DBH: variants seen among roughly 807,000 people sequenced by gnomAD.
DBH encodes dopamine beta-hydroxylase (dopamine beta-monooxygenase).
In DBH, 49 loss-of-function variants were observed where a neutral mutation model predicts 64.0. The observed-to-expected ratio is 0.77, with a 90% CI of 0.61 to 0.97. DBH has a LOEUF of 0.97. Ranked by LOEUF, DBH falls within the 50% of genes least tolerant of loss-of-function variation. The probability of loss-of-function intolerance (pLI) is 0.00; values close to 1 mark genes in which losing one functional copy is unlikely to be tolerated. For missense variants in DBH, 828 were observed against 826.6 expected, an observed-to-expected ratio of 1.00 and a Z score of -0.02; for synonymous variants, 343 against 347.1, an observed-to-expected ratio of 0.99 and a Z score of 0.13.
chr9:133,649,801 G>T (rs962553362), intron 6 of DBH, among the ~76,000 whole-genome samples: 1 of 152,186 alleles, frequency 6.6e-6, no homozygotes, highest in Non-Finnish European at 1.5e-5. Context: ...CCCTTGCAGG[G>T]CCTTGGGGCC....
In DBH at chr9:133,658,875, G is replaced by A. The variant is rs1832373522; in HGVS notation, c.*428G>A. On this transcript the variant is annotated 3_prime_UTR_variant, in exon 12 of 12. Transcript: ENST00000393056. ...CCCCGCTGCTCCCGGTGTGCAGCGG[G>A]TGCGGGTGCCGCTTAAACATTTCCC... The A allele has an allele frequency of 6.4e-6, 1 of 155,358 alleles. No homozygotes were observed. The highest frequency in any genetic ancestry group is 2.4e-5 in the African/African-American group (1 of 41,596). The allele number at this position is 155,358 out of a possible 1,614,324, so 9.6% of individuals were successfully genotyped here. A position where few individuals can be genotyped will look rare whatever the true frequency, so the allele number is the denominator to read the frequency against.
chr9:133,652,062 G>A (rs1188819050), intron 7 of DBH, among the ~76,000 whole-genome samples, 184 bp from the exon 8 acceptor site: 1 of 152,162 alleles, frequency 6.6e-6, no homozygotes, highest in Non-Finnish European at 1.5e-5. Context: ...CTTCTGGTTT[G>A]AATCTAATGC....
chr9:133,640,782 T>G (rs1202936199), intron 2 of DBH, among the ~76,000 whole-genome samples: 1 of 152,200 alleles, frequency 6.6e-6, no homozygotes, highest in Admixed American at 6.5e-5. Context: ...GGGGCACCTG[T>G]GCCGTGCAGG....
At chr9:133,644,586 CG>C (rs1405984129) in intron 5 of DBH, among the ~76,000 whole-genome samples, 1 of 152,246 alleles carries the variant, frequency 6.6e-6, no homozygotes, top group African/African-American at 2.4e-5. Flanking sequence ...CCCTATAATA[CG>C]GGCTGCCATC....
At chr9:133,639,742 C>A in intron 1 of DBH, 104 bp from the exon 2 acceptor site, 1 of 1,278,008 alleles carries the variant, frequency 7.8e-7, no homozygotes. Flanking sequence ...ATCCCCAGAT[C>A]AGCTGGCAAT....
Position 133,636,709 on chromosome 9 carries a change from C to G in DBH, c.338C>G (p.Ala113Gly). 1 of 1,600,858 alleles carries G rather than the reference C, an allele frequency of 6.2e-7. No individual in the cohort carries two copies. The highest frequency in any genetic ancestry group is 8.5e-7 in the Non-Finnish European group (1 of 1,179,710). The part of the protein sequence containing the change: ...LWTDGDTAYF[A>G]DAWSDQKGQI... ...ACCGATGGGGACACTGCCTATTTTG[C>G]GGTGAGTCTCTCCTCCCTGCCAGCT... The change falls in exon 1 of 12, where the codon GCG (alanine) becomes GGG (glycine). Residue 113 changes from alanine to glycine, a missense_variant and splice_region_variant. Physicochemically the swap from Ala to Gly is moderately conservative, Grantham distance 60. Transcript: ENST00000393056.
chr9:133,652,894 C>T, intron 8 of DBH, 46 bp from the exon 9 acceptor site: 2 of 1,504,366 alleles, frequency 1.3e-6, no homozygotes, highest in Non-Finnish European at 1.9e-6. Flanking sequence ...CAGCACCTGC[C>T]AACGCCAGGT....
At chr9:133,647,672 G>A (rs1832197711) in intron 5 of DBH, among the ~76,000 whole-genome samples, 174 bp from the exon 6 acceptor site, 1 of 152,240 alleles carries the variant, frequency 6.6e-6, no homozygotes, top group Non-Finnish European at 1.5e-5. Context: ...ATCCACAGGT[G>A]TGGAAACAAA....
In DBH at chr9:133,645,241, G is replaced by GT. The variant is rs3081166; in HGVS notation, c.1024+935dup. Among the ~76,000 whole-genome samples, 609 of 147,278 alleles carry GT rather than the reference G, an allele frequency of 4.1e-3. 5 individuals are homozygous for GT. The highest frequency in any genetic ancestry group is 0.021 in the Admixed American group (313 of 14,762). ...TGTGCTCAGCTAACAGTCGCCTGTG[G>GT]TTTTTTTTTTTTTTCCTGGCTGCAT... is the stretch of plus-strand genomic sequence containing the variant. On this transcript the variant is annotated intron_variant, in intron 5 of 11. Transcript: ENST00000393056.
intron 10 of DBH, 98 bp downstream of exon 10, chr9:133,656,748 A>C: frequency 1.4e-6 from 2 of 1,455,928 alleles, no homozygotes. Flanking sequence ...GTCCAGGCTA[A>C]GTTCTAGGAG....
rs73662173 is a variant in DBH at position 133,652,000 on chromosome 9, G to A, written c.1335+223G>A. On this transcript the variant is annotated intron_variant, in intron 7 of 11. Transcript: ENST00000393056. ...CACATGGCAGATGGTGGTGGGATTC[G>A]GGAGACCCAGGCGGCCCTCTGGGAA... is the stretch of plus-strand genomic sequence containing the variant. 0.044 allele frequency among the ~76,000 whole-genome samples: 6,758 copies of A among 152,204 alleles called. 303 individuals are homozygous for A. Among genetic ancestry groups the A allele is most frequent in the African/African-American group, 0.11 (4,587 of 41,496 alleles).
intron 1 of DBH, among the ~76,000 whole-genome samples, chr9:133,638,285 C>T (rs894874331): frequency 2.6e-5 from 4 of 152,218 alleles, no homozygotes; most frequent in Admixed American, 6.5e-5. Flanking sequence ...ATGAGTCTCT[C>T]GGCAAACCAG....
At chr9:133,640,020 G>T (rs754327037) in intron 2 of DBH, 28 bp downstream of exon 2, 3 of 1,613,418 alleles carry the variant, frequency 1.9e-6, no homozygotes, top group Non-Finnish European at 2.5e-6. Flanking sequence ...GTACCCAGGA[G>T]GGCGTGGGCT....
At chr9:133,642,151 A>G (rs1403242280) in intron 2 of DBH, 56 bp from the exon 3 acceptor site, 14 of 1,605,404 alleles carry the variant, frequency 8.7e-6, no homozygotes, top group Non-Finnish European at 1.2e-5. Context: ...TCCTCTCAGG[A>G]GCCCAACTCT....
intron 8 of DBH, among the ~76,000 whole-genome samples, chr9:133,652,546 C>G (rs73662174): frequency 0.026 from 3,884 of 152,206 alleles, 168 homozygotes; most frequent in African/African-American, 0.085. Context: ...GTCTGATGGG[C>G]CGACCACAAA....
At chr9:133,653,118 G>A (rs1482102778) in intron 9 of DBH, 119 bp downstream of exon 9, 2 of 810,654 alleles carry the variant, frequency 2.5e-6, no homozygotes, top group Non-Finnish European at 4.3e-6. Flanking sequence ...CCCTCAATAA[G>A]CCAGTCGTTC....
rs376786393 is a variant in DBH at position 133,642,100 on chromosome 9, G to A, written c.487-107G>A. On this transcript the variant is annotated intron_variant, in intron 2 of 11. Transcript: ENST00000393056. Reference sequence around the variant, plus strand: ...CCCTTATTCACAGAGATGAGAGTGAGGTGTGTCACCTGGTAGGTGTGGGTG... The same window carrying A: ...CCCTTATTCACAGAGATGAGAGTGAAGTGTGTCACCTGGTAGGTGTGGGTG... The A allele has an allele frequency of 6.9e-6, 10 of 1,456,314 alleles. No individual in the cohort carries two copies. The African/African-American group carries it at 6.9e-5, about 10-fold the overall frequency. 90.2% of individuals were successfully genotyped at this position (1,456,314 alleles called of 1,614,324 possible).
At chr9:133,647,701 T>C in intron 5 of DBH, 145 bp from the exon 6 acceptor site, 2 of 948,756 alleles carry the variant, frequency 2.1e-6, no homozygotes, top group Non-Finnish European at 3.3e-6. Context: ...GCTCTTGGTC[T>C]GCCTAGCAGG....
intron 5 of DBH, among the ~76,000 whole-genome samples, chr9:133,646,537 T>C (rs530982602): frequency 6.6e-6 from 1 of 152,286 alleles, no homozygotes; most frequent in African/African-American, 2.4e-5. Flanking sequence ...TCTGTTTTTT[T>C]GTTTTGAGAC....
Sources: gnomAD v4.1 joint callset for allele counts (sites outside exome capture counted in the v4.1 genomes callset) on GRCh38, gnomAD v4.1.1 for gene constraint, MANE v1.5 for transcripts, NCBI Gene and HGNC (gene_info 2026-07-23, HGNC 2026-07-21) for gene names.